KRT9: variants seen among roughly 807,000 people sequenced by gnomAD.
KRT9 encodes keratin, type I cytoskeletal 9.
In KRT9, 34 loss-of-function variants were observed where a neutral mutation model predicts 51.4. That is an observed-to-expected ratio of 0.66 (90% CI 0.50 to 0.88). KRT9 has a LOEUF of 0.88. Ranked by LOEUF, KRT9 falls within the 40% of genes least tolerant of loss-of-function variation. KRT9 has a pLI of 0.00. For synonymous variants in KRT9, 292 were observed against 289.7 expected, an observed-to-expected ratio of 1.01 and a Z score of -0.08; for missense variants, 753 against 790.3, an observed-to-expected ratio of 0.95 and a Z score of 0.57.
chr17:41,568,664 G>A (rs372730362), intron 4 of KRT9, 31 bp from the exon 5 acceptor site: 2 of 1,613,834 alleles, frequency 1.2e-6, no homozygotes, highest in African/African-American at 2.7e-5. Flanking sequence ...TAAGCATCAG[G>A]CTGTGCCAGG....
chr17:41,569,547 T>C lies in KRT9; in HGVS notation c.923A>G (p.Asn308Ser). 1 of 1,614,132 alleles carries C rather than the reference T, an allele frequency of 6.2e-7. No homozygotes were observed. The highest frequency in any genetic ancestry group is 8.5e-7 in the Non-Finnish European group (1 of 1,180,032). The change falls in exon 4 of 8, where the codon AAT becomes AGT. Residue 308 changes from asparagine to serine, a missense_variant. Asn to Ser is a conservative substitution (Grantham distance 46). This residue lies in a region of KRT9 where 507 missense variants were observed against 563.7 expected (regional missense o/e 0.90). Coordinates refer to ENST00000246662, the MANE Select transcript of KRT9 (RefSeq NM_000226.4). ...GCCAGGAGCAACGTTTATCTCCACA[T>C]TGACATCTCCACTGTTCTGCCCAGT... ...QLTGQNSGDV[N>S]VEINVAPGKD...
chr17:41,571,978 C>T lies in KRT9; in HGVS notation c.15G>A (p.Gln5=), dbSNP rs1257921972. Reference sequence around the variant, plus strand: ...TGCGGCTCAAGTAGGACGAGGAGAACTGTCTGCAGCTCATGACACAGCTGG... The same window carrying T: ...TGCGGCTCAAGTAGGACGAGGAGAATTGTCTGCAGCTCATGACACAGCTGG... MSCR[Q]FSSSYLSRSG... The change falls in exon 1 of 8, where the codon CAG becomes CAA. Residue 5 remains glutamine, a synonymous_variant. Coordinates refer to ENST00000246662, the MANE Select transcript of KRT9 (RefSeq NM_000226.4). 2 of 1,582,970 alleles carry T rather than the reference C, an allele frequency of 1.3e-6. No individual in the cohort carries two copies. The highest frequency in any genetic ancestry group is 1.8e-5 in the Admixed American group (1 of 56,172).
At chr17:41,567,793 C>T in intron 6 of KRT9, 43 bp from the exon 7 acceptor site, 1 of 1,613,028 alleles carries the variant, frequency 6.2e-7, no homozygotes, top group Non-Finnish European at 8.5e-7. Context: ...GAGCGGCCCC[C>T]ATACACATAT....
Position 41,567,430 on chromosome 17 carries a change from TAGCCACCCCCACTTCCTCCTCCAG to T in KRT9, c.1691_1714del (p.Ser564_Gly571del). ...TCCCCTGGACCCACTTCCTCCACCA[TAGCCACCCCCACTTCCTCCTCCAG>T]AGCCACTTCCTCCTCCATAGTTGCC... On this transcript the variant is annotated inframe_deletion, in exon 7 of 8. Coordinates refer to ENST00000246662, the MANE Select transcript of KRT9 (RefSeq NM_000226.4). 1 of 1,559,202 alleles carries T rather than the reference TAGCCACCCCCACTTCCTCCTCCAG, an allele frequency of 6.4e-7. No homozygotes were observed. Among genetic ancestry groups the T allele is most frequent in the South Asian group, 1.2e-5 (1 of 86,042 alleles).
intron 7 of KRT9, among the ~76,000 whole-genome samples, chr17:41,566,432 T>A (rs1418236668): frequency 6.6e-6 from 1 of 152,132 alleles, no homozygotes; most frequent in Non-Finnish European, 1.5e-5. Flanking sequence ...TGTTAGTCAA[T>A]TTTTTGTATA....
At chr17:41,569,696 G>T in intron 3 of KRT9, 109 bp from the exon 4 acceptor site, 1 of 1,515,488 alleles carries the variant, frequency 6.6e-7, no homozygotes. Flanking sequence ...CAGTTGTGAA[G>T]CCAAAGCCCA....
rs745528132 is a variant in KRT9 at position 41,570,010 on chromosome 17, T to C, written c.731A>G (p.Glu244Gly). The stretch of plus-strand genomic sequence containing the variant: ...TCCTTGCCGCAGGTTTTGCTCCATC[T>C]CAAACCTGCAGACCAGCCAGGGTTA... ...MTLDDFRIKF[E>G]MEQNLRQGVD... The change falls in exon 3 of 8, where the codon GAG (glutamate) becomes GGG (glycine). Residue 244 changes from glutamate (E) to glycine (G), a missense_variant. Glu to Gly is a moderately conservative substitution (Grantham distance 98). This residue lies in a region of KRT9 where 507 missense variants were observed against 563.7 expected (regional missense o/e 0.90). Coordinates refer to ENST00000246662, the MANE Select transcript of KRT9 (RefSeq NM_000226.4). 14 of 1,613,964 alleles carry C rather than the reference T, an allele frequency of 8.7e-6. No individual in the cohort carries two copies. Among genetic ancestry groups the C allele is most frequent in the Non-Finnish European group, 1.1e-5 (13 of 1,180,028 alleles).
chr17:41,571,644 C>T lies in KRT9; in HGVS notation c.349G>A (p.Gly117Ser), dbSNP rs372005664. 18 of 1,604,524 alleles carry T rather than the reference C, an allele frequency of 1.1e-5. No individual in the cohort carries two copies. The highest frequency in any genetic ancestry group is 1.5e-5 in the Non-Finnish European group (18 of 1,175,282). Residue 117 changes from glycine (G) to serine (S), a missense_variant, in exon 1 of 8, where the codon GGT becomes AGT. This residue lies in a region of KRT9 where 241 missense variants were observed against 210.3 expected (regional missense o/e 1.15). Coordinates refer to ENST00000246662, the MANE Select transcript of KRT9 (RefSeq NM_000226.4). The part of the protein sequence containing the change: ...SSGGFGGGFG[G>S]GSGGGFGGGY... Reference sequence around the variant, plus strand: ...CCACCAAAGCCACCTCCAGAACCACCACCAAAGCCACCTCCAAAACCCCCA... The same window carrying T: ...CCACCAAAGCCACCTCCAGAACCACTACCAAAGCCACCTCCAAAACCCCCA...
intron 1 of KRT9, among the ~76,000 whole-genome samples, 196 bp from the exon 2 acceptor site, chr17:41,570,416 T>G (rs1006863753): frequency 6.6e-6 from 1 of 152,212 alleles, no homozygotes; most frequent in Non-Finnish European, 1.5e-5. Flanking sequence ...CCTTCATTCA[T>G]TCATTCAACA....
At chr17:41,566,665 C>T (rs1328784508) in intron 7 of KRT9, among the ~76,000 whole-genome samples, 1 of 152,174 alleles carries the variant, frequency 6.6e-6, no homozygotes, top group Non-Finnish European at 1.5e-5. Flanking sequence ...GAAAATGTTC[C>T]CTGATCTAGA....
Position 41,571,892 on chromosome 17 carries a change from C to T in KRT9, c.101G>A (p.Arg34His), listed in dbSNP as rs146238717. The T allele has an allele frequency of 2.1e-4, 342 of 1,609,190 alleles. 1 individual carries two copies. Among genetic ancestry groups the T allele is most frequent in the Middle Eastern group, 3.5e-4 (2 of 5,658 alleles). The change falls in exon 1 of 8, where the codon CGC becomes CAC. Residue 34 changes from arginine to histidine, a missense_variant. Arg to His is a conservative substitution (Grantham distance 29). Coordinates refer to ENST00000246662, the MANE Select transcript of KRT9 (RefSeq NM_000226.4). Reference protein sequence around the residue: ...SGGSIRSSYSRFSSSGGGGGG... With the variant: ...SGGSIRSSYSHFSSSGGGGGG... ...TCCACCGCCCCCTGAGGAGCTGAAG[C>T]GGCTGTAGGAAGACCTTATGCTGCC...
At position 41,570,207 on chromosome 17, in the gene KRT9, G is replaced by T; in HGVS notation, c.656C>A (p.Thr219Lys). Residue 219 changes from threonine to lysine, a missense_variant, in exon 2 of 8, where the codon ACA (threonine) becomes AAA (lysine). This residue lies in a region of KRT9 where 507 missense variants were observed against 563.7 expected (regional missense o/e 0.90). Transcript: ENST00000246662. ...CAGGAGAGTTTTGTTGTTGCCCACT[G>T]TCAGGTCCACAATCTGAAAAAAAAA... is the stretch of plus-strand genomic sequence containing the variant. ...DDLKDQIVDL[T>K]VGNNKTLLDI... 1 of 1,613,792 alleles carries T rather than the reference G, an allele frequency of 6.2e-7. No individual in the cohort carries two copies. The highest frequency in any genetic ancestry group is 1.1e-5 in the South Asian group (1 of 91,072).
Position 41,567,559 on chromosome 17 carries a change from C to T in KRT9, c.1586G>A (p.Gly529Asp), listed in dbSNP as rs1200647327. The change falls in exon 7 of 8, where the codon GGT (glycine) becomes GAT (aspartate). Residue 529 changes from glycine to aspartate, a missense_variant. By Grantham distance (94) the Gly-to-Asp change is moderately conservative. Coordinates refer to ENST00000246662, the MANE Select transcript of KRT9 (RefSeq NM_000226.4). ...TCCTCCACCATAGCCACCTCCACTA[C>T]CTCCTCCAGAACCACTTCCTCCACC... ...SYGGGSGSGG[G>D]SGGGYGGGSG... 2 of 1,551,704 alleles carry T rather than the reference C, an allele frequency of 1.3e-6. No individual in the cohort carries two copies. Among genetic ancestry groups the T allele is most frequent in the South Asian group, 2.4e-5 (2 of 84,064 alleles).
chr17:41,567,827 C>A (rs1278691409), intron 6 of KRT9, 77 bp from the exon 7 acceptor site: 13 of 1,599,328 alleles, frequency 8.1e-6, no homozygotes, highest in South Asian at 1.1e-5. Context: ...TGGACAGAGT[C>A]AGGACCCAAA....
At chr17:41,569,662 C>G in intron 3 of KRT9, 75 bp from the exon 4 acceptor site, 1 of 1,577,882 alleles carries the variant, frequency 6.3e-7, no homozygotes, top group Non-Finnish European at 8.7e-7. Context: ...CCCTCTGGTC[C>G]CCCCAGGGTA....
rs1358872358 is a variant in KRT9 at position 41,567,760 on chromosome 17, A to T, written c.1395-10T>A. ...AGCTCCGGAGGATTCACTAAGAAAG[A>T]AAGAAAACAAGAGAGTTAAAATGAG... is the stretch of plus-strand genomic sequence containing the variant. On this transcript the variant is annotated splice_polypyrimidine_tract_variant and intron_variant, in intron 6 of 7. Coordinates refer to ENST00000246662, the MANE Select transcript of KRT9 (RefSeq NM_000226.4). 6.2e-7 allele frequency: 1 copy of T among 1,614,066 alleles called. No homozygotes were observed. Among genetic ancestry groups the T allele is most frequent in the Non-Finnish European group, 8.5e-7 (1 of 1,180,044 alleles).
In KRT9 at chr17:41,570,235, A is replaced by G; in HGVS notation, c.643-15T>C. ...AGGTCCACAATCTGAAAAAAAAAGG[A>G]CACAGCCATGATATCATGCTGTGGA... On this transcript the variant is annotated splice_polypyrimidine_tract_variant and intron_variant, in intron 1 of 7. Transcript: ENST00000246662. 6.2e-7 allele frequency: 1 copy of G among 1,603,620 alleles called. No individual in the cohort carries two copies. Among genetic ancestry groups the G allele is most frequent in the Non-Finnish European group, 8.5e-7 (1 of 1,170,434 alleles).
chr17:41,570,841 G>GGATA lies in KRT9; in HGVS notation c.642+506_642+509dup, dbSNP rs565439785. On this transcript the variant is annotated intron_variant, in intron 1 of 7. Transcript: ENST00000246662. Reference sequence around the variant, plus strand: ...CACTGAACTGAGTGGCTGAATAAATGGATAGATAGATAGACATGTGGGTGG... The same window carrying GGATA: ...CACTGAACTGAGTGGCTGAATAAATGGATAGATAGATAGATAGACATGTGGGTGG... Among the ~76,000 whole-genome samples the GGATA allele has an allele frequency of 1.9e-4, 29 of 152,236 alleles. No homozygotes were observed. The South Asian group carries it at 5.6e-3, about 29-fold the overall frequency.
Position 41,572,037 on chromosome 17 carries a change from C to T in KRT9, c.-45G>A, listed in dbSNP as rs1196588939. The T allele has an allele frequency of 1.3e-6, 2 of 1,543,826 alleles. No homozygotes were observed. Among genetic ancestry groups the T allele is most frequent in the Non-Finnish European group, 1.7e-6 (2 of 1,150,198 alleles). On this transcript the variant is annotated 5_prime_UTR_variant, in exon 1 of 8. Coordinates refer to ENST00000246662, the MANE Select transcript of KRT9 (RefSeq NM_000226.4). ...GGGTTGAGAAGCAGTGATAGGAGTG[C>T]TACCGGCTCCCAAGTGCAGGGTACA...
Sources: allele counts gnomAD v4.1 joint callset (sites outside exome capture counted in the v4.1 genomes callset), GRCh38; gene constraint gnomAD v4.1.1; regional missense constraint gnomAD v4.1.1; transcripts MANE v1.5; gene names NCBI Gene and HGNC (gene_info 2026-07-23, HGNC 2026-07-21).